The following ZNF451 variants were observed in gnomAD, a reference collection of about 807,000 sequenced individuals.
The protein encoded by ZNF451 is zinc finger protein 451.
ZNF451 carries 80 observed loss-of-function variants against 107.1 expected under a neutral mutation model. The ratio of observed to expected loss-of-function variants is 0.75; its 90% CI spans 0.62 to 0.90. The LOEUF (loss-of-function observed/expected upper bound fraction) is 0.90, where lower values mean the gene tolerates loss of function less well. Ranked by LOEUF, ZNF451 falls within the 40% of genes least tolerant of loss-of-function variation. The pLI is 0.00. For synonymous variants in ZNF451, 362 were observed against 406.5 expected, an observed-to-expected ratio of 0.89 and a Z score of 1.32; for missense variants, 1,107 against 1,236.2, an observed-to-expected ratio of 0.90 and a Z score of 1.57.
intron 3 of ZNF451, chr6:57,124,366 G>C: frequency 1.4e-6 from 1 of 705,868 alleles, no homozygotes; most frequent in Non-Finnish European, 2.6e-6. Flanking sequence ...GTTCCTGCTA[G>C]AAGGTTTCTG....
chr6:57,101,255 C>A (rs543372712), intron 3 of ZNF451: 1 of 1,550,914 alleles, frequency 6.4e-7, no homozygotes, highest in African/African-American at 1.4e-5. Flanking sequence ...CAATCTGAAG[C>A]GGAGTCATGT....
At chr6:57,139,199 G>A (rs1831628848) in intron 7 of ZNF451, among the ~76,000 whole-genome samples, 1 of 152,034 alleles carries the variant, frequency 6.6e-6, no homozygotes, top group African/African-American at 2.4e-5. Context: ...AAACAGGAGG[G>A]GAGTGTGGTG....
chr6:57,110,836 A>G (rs980164926), intron 3 of ZNF451, among the ~76,000 whole-genome samples: 9 of 151,896 alleles, frequency 5.9e-5, no homozygotes, highest in Non-Finnish European at 1.3e-4. Flanking sequence ...CAGCAGCTCC[A>G]ACACATTTTG....
chr6:57,144,924 G>A (rs1353193972), intron 9 of ZNF451, among the ~76,000 whole-genome samples: 1 of 152,080 alleles, frequency 6.6e-6, no homozygotes, highest in Non-Finnish European at 1.5e-5. Context: ...AGGATTTTCT[G>A]TCTCCAAACA....
At chr6:57,109,451 C>A (rs772942070) in intron 3 of ZNF451, 1 of 985,292 alleles carries the variant, frequency 1.0e-6, no homozygotes, top group Non-Finnish European at 1.2e-6. Flanking sequence ...TTCTTACTCT[C>A]AAATGAGGTA....
intron 9 of ZNF451, among the ~76,000 whole-genome samples, chr6:57,146,053 G>T (rs964109566): frequency 2.6e-5 from 4 of 152,018 alleles, no homozygotes; most frequent in African/African-American, 9.7e-5. Flanking sequence ...GATTAGTAAT[G>T]TTGAGTATTT....
chr6:57,101,886 A>G (rs1167380817), intron 3 of ZNF451: 6 of 1,550,586 alleles, frequency 3.9e-6, no homozygotes, highest in Non-Finnish European at 5.2e-6. Context: ...AAGATGTGAA[A>G]GCTGTTGTTG....
At chr6:57,138,308 G>A (rs1831538609) in intron 7 of ZNF451, among the ~76,000 whole-genome samples, 1 of 151,540 alleles carries the variant, frequency 6.6e-6, no homozygotes, top group South Asian at 2.1e-4. Context: ...TCTTGTGCAG[G>A]CTGGAGTGCA....
At chr6:57,160,524 A>G (rs1038980321) in intron 13 of ZNF451, among the ~76,000 whole-genome samples, 3 of 152,016 alleles carry the variant, frequency 2.0e-5, no homozygotes, top group Non-Finnish European at 4.4e-5. Context: ...TGGTAGAGAC[A>G]GGGTTTTGCT....
chr6:57,152,422 T>G, intron 12 of ZNF451, 71 bp downstream of exon 12: 1 of 1,555,302 alleles, frequency 6.4e-7, no homozygotes, highest in Non-Finnish European at 8.8e-7. Flanking sequence ...CCACTTGAAT[T>G]GTAATGAGAC....
chr6:57,092,140 G>T (rs1213886806), intron 2 of ZNF451, among the ~76,000 whole-genome samples: 2 of 152,152 alleles, frequency 1.3e-5, no homozygotes, highest in Non-Finnish European at 2.9e-5. Flanking sequence ...TTTGTGAAGA[G>T]AATTTTTTTC....
chr6:57,097,734 A>G (rs965287470), intron 2 of ZNF451, among the ~76,000 whole-genome samples: 1 of 151,994 alleles, frequency 6.6e-6, no homozygotes, highest in African/African-American at 2.4e-5. Context: ...ATTTCCAGGT[A>G]TGTTCATACT....
At chr6:57,148,800 T>G in intron 10 of ZNF451, 107 bp downstream of exon 10, 2 of 1,027,350 alleles carry the variant, frequency 1.9e-6, no homozygotes, top group South Asian at 3.5e-5. Context: ...TTCTTGATGG[T>G]ATGTTAATTA....
In ZNF451 at chr6:57,103,167, C is replaced by A. The variant is rs1241303511; in HGVS notation, c.186+4026C>A. On this transcript the variant is annotated intron_variant, in intron 3 of 14. Coordinates refer to ENST00000370706, the MANE Select transcript of ZNF451 (RefSeq NM_001031623.3). ...CTAAGACCAAGAATTCCAAACATGC[C>A]TGACAATCTTGTCCCCTTATTGTAA... 3.0e-6 allele frequency: 3 copies of A among 985,282 alleles called. No homozygotes were observed. In the South Asian group the frequency reaches 1.4e-4, roughly 46 times the overall value. The allele number at this position is 985,282 out of a possible 1,614,324, so 61.0% of individuals were successfully genotyped here.
chr6:57,127,047 A>G (rs921279179), intron 4 of ZNF451, among the ~76,000 whole-genome samples: 2 of 152,204 alleles, frequency 1.3e-5, no homozygotes, highest in African/African-American at 4.8e-5. Context: ...TAAATGGTCT[A>G]ATTTAATATA....
intron 3 of ZNF451, among the ~76,000 whole-genome samples, chr6:57,111,378 T>TG (rs1562597398): frequency 1.3e-5 from 2 of 151,732 alleles, no homozygotes; most frequent in African/African-American, 4.8e-5. Flanking sequence ...TTTGTTTTTT[T>TG]TTTTTTGTTT....
chr6:57,117,315 GA>G (rs1410707325), intron 3 of ZNF451, among the ~76,000 whole-genome samples: 2 of 112,384 alleles, frequency 1.8e-5, no homozygotes, highest in Non-Finnish European at 3.5e-5. Flanking sequence ...AAAAGTTTTG[GA>G]TTTTAGAGCA....
intron 9 of ZNF451, among the ~76,000 whole-genome samples, chr6:57,142,907 A>C (rs577683427): frequency 1.1e-4 from 17 of 152,148 alleles, no homozygotes; most frequent in African/African-American, 4.1e-4. Flanking sequence ...ATTTTAGTTT[A>C]TTATGTGCAT....
chr6:57,099,589 T>C, intron 3 of ZNF451: 2 of 706,870 alleles, frequency 2.8e-6, no homozygotes, highest in Non-Finnish European at 5.2e-6. Flanking sequence ...GAAGGGTTTA[T>C]AGGGGATATA....
Sources: allele counts gnomAD v4.1 joint callset (sites outside exome capture counted in the v4.1 genomes callset), GRCh38; gene constraint gnomAD v4.1.1; transcripts MANE v1.5; gene names NCBI Gene and HGNC (gene_info 2026-07-23, HGNC 2026-07-21).